Variants in NEDD4L observed in about 807,000 individuals in gnomAD.
NEDD4L encodes the protein NEDD4 like E3 ubiquitin protein ligase.
Under a neutral mutation model 148.9 loss-of-function variants are expected in NEDD4L, and 54 were observed. The observed-to-expected ratio is 0.36, with a 90% CI of 0.29 to 0.45. The LOEUF is 0.45. Ranked by LOEUF, NEDD4L falls within the 20% of genes least tolerant of loss-of-function variation. NEDD4L has a pLI of 1.00. For missense variants in NEDD4L, 856 were observed against 1,233.8 expected (o/e 0.69, Z 4.59); for synonymous variants, 433 against 440.7 (o/e 0.98, Z 0.22).
chr18:58,210,325 AGT>A (rs1438575801), intron 2 of NEDD4L, among the ~76,000 whole-genome samples: 3 of 152,238 alleles, frequency 2.0e-5, no homozygotes, highest in Non-Finnish European at 4.4e-5. Context: ...AAATTACCAA[AGT>A]TGATCCAAGA....
intron 22 of NEDD4L, among the ~76,000 whole-genome samples, chr18:58,369,482 G>A (rs555589128): frequency 1.7e-3 from 82 of 48,456 alleles, no homozygotes; most frequent in African/African-American, 6.0e-3. Flanking sequence ...CGATGGGAAT[G>A]TCCCTGTCGG....
intron 16 of NEDD4L, among the ~76,000 whole-genome samples, chr18:58,346,011 G>A (rs565480345): frequency 2.3e-4 from 35 of 151,314 alleles, no homozygotes; most frequent in African/African-American, 8.0e-4. Flanking sequence ...CTGCCGCTTC[G>A]GCCTCCCAAA....
At chr18:58,273,863 T>C (rs1484189433) in intron 5 of NEDD4L, among the ~76,000 whole-genome samples, 1 of 152,206 alleles carries the variant, frequency 6.6e-6, no homozygotes, top group Non-Finnish European at 1.5e-5. Flanking sequence ...GTGTTCTTCT[T>C]TAATTAAAAA....
Position 58,234,387 on chromosome 18 carries a change from A to G in NEDD4L, c.123-11040A>G, listed in dbSNP as rs548059363. Among the ~76,000 whole-genome samples, 35 of 140,556 alleles carry G rather than the reference A, an allele frequency of 2.5e-4. 2 individuals carry two copies. The South Asian group carries it at 7.8e-3, about 31-fold the overall frequency. 92.2% of individuals were successfully genotyped at this position (140,556 alleles called of 152,430 possible). A position where few individuals can be genotyped will look rare whatever the true frequency, so the allele number is the denominator to read the frequency against. On this transcript the variant is annotated intron_variant, in intron 2 of 30. Transcript: ENST00000400345. The stretch of plus-strand genomic sequence containing the variant: ...TGTTCTGTCATCTAGGCTGGAGTAC[A>G]GTGGCATGATCATGGCTCACTGCAG...
intron 5 of NEDD4L, among the ~76,000 whole-genome samples, chr18:58,285,486 A>C (rs73437235): frequency 6.6e-6 from 1 of 152,080 alleles, no homozygotes; most frequent in Non-Finnish European, 1.5e-5. Context: ...GTGCTACCAT[A>C]CAGAATTCAG....
At chr18:58,243,946 A>G (rs1036791606) in intron 2 of NEDD4L, among the ~76,000 whole-genome samples, 6 of 152,208 alleles carry the variant, frequency 3.9e-5, no homozygotes, top group Admixed American at 3.9e-4. Flanking sequence ...CTTATGGGTA[A>G]TAAATACACA....
At chr18:58,063,843 T>C (rs149753291) in intron 1 of NEDD4L, among the ~76,000 whole-genome samples, 3,854 of 147,340 alleles carry the variant, frequency 0.026, 156 homozygotes, top group African/African-American at 0.089. Context: ...CGTGAGCCAC[T>C]GTGCCCAGCC....
chr18:58,145,345 A>G (rs372507666), intron 1 of NEDD4L, among the ~76,000 whole-genome samples: 6 of 152,138 alleles, frequency 3.9e-5, no homozygotes, highest in East Asian at 1.9e-4. Flanking sequence ...ATCAAATTCT[A>G]CTCTGCTCTA....
At chr18:58,350,349 C>G (rs1568805799) in intron 17 of NEDD4L, among the ~76,000 whole-genome samples, 2 of 152,174 alleles carry the variant, frequency 1.3e-5, no homozygotes, top group Non-Finnish European at 2.9e-5. Flanking sequence ...GTATCCCACA[C>G]CAAATCTGTT....
At chr18:58,395,003 C>T (rs955504873) in intron 30 of NEDD4L, among the ~76,000 whole-genome samples, 2 of 152,176 alleles carry the variant, frequency 1.3e-5, no homozygotes, top group African/African-American at 2.4e-5. Flanking sequence ...TACCTGGCCC[C>T]GTGTGACCTT....
intron 1 of NEDD4L, among the ~76,000 whole-genome samples, chr18:58,049,234 AAG>A (rs2081742167): frequency 1.3e-5 from 2 of 152,224 alleles, no homozygotes; most frequent in Admixed American, 6.5e-5. Flanking sequence ...GTGCTAGAAA[AAG>A]AGAAGTGCTC....
intron 2 of NEDD4L, among the ~76,000 whole-genome samples, chr18:58,224,377 G>A (rs1367568593): frequency 6.6e-6 from 1 of 152,152 alleles, no homozygotes; most frequent in East Asian, 1.9e-4. Context: ...AATTAACTGG[G>A]TCCAGGAGTT....
intron 1 of NEDD4L, among the ~76,000 whole-genome samples, chr18:58,108,941 C>T (rs968347054): frequency 6.6e-6 from 1 of 152,188 alleles, no homozygotes; most frequent in East Asian, 1.9e-4. Flanking sequence ...AGGTTCTGTC[C>T]AGCATTGTGT....
chr18:58,267,975 TG>T (rs2050462188), intron 5 of NEDD4L, among the ~76,000 whole-genome samples: 11 of 152,094 alleles, frequency 7.2e-5, no homozygotes, highest in Admixed American at 7.2e-4. Flanking sequence ...CGTCGTTTTT[TG>T]CCCCTACTGT....
At chr18:58,096,343 T>G (rs2084391604) in intron 1 of NEDD4L, among the ~76,000 whole-genome samples, 1 of 142,872 alleles carries the variant, frequency 7.0e-6, no homozygotes, top group Non-Finnish European at 1.5e-5. Context: ...GATTATTTTA[T>G]TTTATTTATT....
chr18:58,333,223 A>G (rs1401242807), intron 11 of NEDD4L, among the ~76,000 whole-genome samples: 2 of 151,894 alleles, frequency 1.3e-5, no homozygotes, highest in African/African-American at 4.8e-5. Flanking sequence ...GGTTGCAGTG[A>G]ACTGAGATCA....
At chr18:58,265,970 A>C in intron 5 of NEDD4L, among the ~76,000 whole-genome samples, 1 of 152,088 alleles carries the variant, frequency 6.6e-6, no homozygotes, top group Non-Finnish European at 1.5e-5. Flanking sequence ...ACGTCTCTGC[A>C]TTTCTTTTTG....
At chr18:58,284,319 T>C (rs2053593675) in intron 5 of NEDD4L, among the ~76,000 whole-genome samples, 1 of 152,208 alleles carries the variant, frequency 6.6e-6, no homozygotes, top group Non-Finnish European at 1.5e-5. Flanking sequence ...CTAATGCTGA[T>C]TGCAGTGAAA....
intron 1 of NEDD4L, among the ~76,000 whole-genome samples, chr18:58,057,149 C>T (rs1275734432): frequency 6.6e-6 from 1 of 152,044 alleles, no homozygotes; most frequent in African/African-American, 2.4e-5. Context: ...AGAAATGCCC[C>T]TGGCTTCGTG....
Sources: allele counts gnomAD v4.1 joint callset (sites outside exome capture counted in the v4.1 genomes callset), GRCh38; gene constraint gnomAD v4.1.1; transcripts MANE v1.5; gene names NCBI Gene and HGNC (gene_info 2026-07-23, HGNC 2026-07-21).